The following ZNF713 variants were observed in gnomAD, a reference collection of about 807,000 sequenced individuals.
ZNF713 encodes zinc finger protein 713.
In ZNF713, 21 loss-of-function variants were observed where a neutral mutation model predicts 28.7. That is an observed-to-expected ratio of 0.73 (90% CI 0.52 to 1.05). The LOEUF is 1.05. ZNF713 is among the 50% of genes least tolerant of loss of function. The pLI is 0.00. For synonymous variants in ZNF713, 167 were observed against 178.0 expected (o/e 0.94, Z 0.49); for missense variants, 458 against 532.4 (o/e 0.86, Z 1.37).
intron 2 of ZNF713, among the ~76,000 whole-genome samples, chr7:55,910,009 G>A (rs1785756948): frequency 6.6e-6 from 1 of 151,624 alleles, no homozygotes; most frequent in African/African-American, 2.4e-5. Context: ...GTTTATGTGT[G>A]TGTGTGTGTG....
chr7:55,926,934 G>A (rs1786108060), intron 6 of ZNF713, among the ~76,000 whole-genome samples: 1 of 152,124 alleles, frequency 6.6e-6, no homozygotes, highest in South Asian at 2.1e-4. Flanking sequence ...TCAGGAGTTT[G>A]AGACCAGCCT....
At chr7:55,905,415 AACC>A (rs1785661181) in intron 1 of ZNF713, among the ~76,000 whole-genome samples, 1 of 152,148 alleles carries the variant, frequency 6.6e-6, no homozygotes, top group Non-Finnish European at 1.5e-5. Flanking sequence ...GCTCAGACAG[AACC>A]ACTACACAGG....
chr7:55,926,699 A>C (rs1232978102), intron 6 of ZNF713, among the ~76,000 whole-genome samples: 1 of 152,234 alleles, frequency 6.6e-6, no homozygotes, highest in Non-Finnish European at 1.5e-5. Context: ...AGCAGCAAGA[A>C]AATTGGCAAT....
At chr7:55,917,519 G>C (rs1785906848) in intron 4 of ZNF713, among the ~76,000 whole-genome samples, 1 of 152,074 alleles carries the variant, frequency 6.6e-6, no homozygotes, top group African/African-American at 2.4e-5. Context: ...GACCAACTTG[G>C]TGCAACTTCA....
At chr7:55,935,770 G>A (rs1260362607) in intron 6 of ZNF713, among the ~76,000 whole-genome samples, 3 of 151,966 alleles carry the variant, frequency 2.0e-5, no homozygotes, top group Non-Finnish European at 2.9e-5. Flanking sequence ...TGGCTAACAC[G>A]GTGAAACCCC....
chr7:55,938,010 C>T (rs759464017), intron 6 of ZNF713, among the ~76,000 whole-genome samples: 2 of 152,034 alleles, frequency 1.3e-5, no homozygotes, highest in Non-Finnish European at 1.5e-5. Context: ...TTGAGATCAG[C>T]CTGGCCAACA....
chr7:55,908,937 G>A (rs1014669144), intron 2 of ZNF713, among the ~76,000 whole-genome samples: 6 of 151,850 alleles, frequency 4.0e-5, no homozygotes, highest in African/African-American at 1.2e-4. Flanking sequence ...GGCCGGGTGC[G>A]GTGGCTCATG....
intron 6 of ZNF713, among the ~76,000 whole-genome samples, chr7:55,927,576 TGAAGG>T (rs1786123927): frequency 6.6e-6 from 1 of 151,620 alleles, no homozygotes; most frequent in African/African-American, 2.4e-5. Context: ...TTTATAATGC[TGAAGG>T]GAAGGAACCA....
At chr7:55,911,371 G>C (rs559011409) in intron 2 of ZNF713, among the ~76,000 whole-genome samples, 17 of 152,286 alleles carry the variant, frequency 1.1e-4, no homozygotes, top group African/African-American at 3.8e-4. Context: ...TGTGTTCTCT[G>C]TTCTGGAAAA....
At chr7:55,914,599 G>A (rs1400265209) in intron 4 of ZNF713, among the ~76,000 whole-genome samples, 1 of 152,236 alleles carries the variant, frequency 6.6e-6, no homozygotes, top group Non-Finnish European at 1.5e-5. Context: ...GGTGCTGGGA[G>A]AAGGGAGAAG....
At chr7:55,931,250 C>T (rs778950337) in intron 6 of ZNF713, among the ~76,000 whole-genome samples, 3 of 151,716 alleles carry the variant, frequency 2.0e-5, no homozygotes, top group Admixed American at 6.6e-5. Flanking sequence ...CACGTCATTG[C>T]TCTCCAGCCT....
intron 6 of ZNF713, among the ~76,000 whole-genome samples, chr7:55,933,903 G>A (rs1786292758): frequency 1.3e-5 from 2 of 151,554 alleles, no homozygotes; most frequent in Admixed American, 1.3e-4. Flanking sequence ...ACAGGGTTTT[G>A]CCATGTTGCC....
At position 55,892,555 on chromosome 7, in the gene ZNF713, C is replaced by CAAAAAA. The variant is rs56338467; in HGVS notation, c.-583+4893_-583+4898dup. Among the ~76,000 whole-genome samples the CAAAAAA allele has an allele frequency of 2.1e-3, 156 of 74,270 alleles. 3 individuals carry two copies. Among genetic ancestry groups the CAAAAAA allele is most frequent in the East Asian group, 6.2e-3 (13 of 2,110 alleles). The allele number at this position is 74,270 out of a possible 152,430, so 48.7% of individuals were successfully genotyped here. A position where few individuals can be genotyped will look rare whatever the true frequency, so the allele number is the denominator to read the frequency against. On this transcript the variant is annotated intron_variant, in intron 1 of 6. Transcript: ENST00000429591. ...TGAAGGTTTGCTGAAAAGCACTGAC[C>CAAAAAA]AAAAAAAAAAAAAAAAAAAAAAACA...
chr7:55,906,217 G>A (rs1028922607), intron 1 of ZNF713, 36 bp from the exon 2 acceptor site: 3 of 151,896 alleles, frequency 2.0e-5, no homozygotes, highest in East Asian at 1.9e-4. Context: ...TAAGCTCTCC[G>A]CTTAGATTAA....
At chr7:55,903,789 A>G (rs1785623762) in intron 1 of ZNF713, among the ~76,000 whole-genome samples, 1 of 151,940 alleles carries the variant, frequency 6.6e-6, no homozygotes, top group South Asian at 2.1e-4. Context: ...ATGGGGGTGG[A>G]TGGAGGGCAC....
chr7:55,919,490 G>GTATTTTTTTTTTTTT (rs1785945145), intron 4 of ZNF713, among the ~76,000 whole-genome samples: 1 of 66,770 alleles, frequency 1.5e-5, no homozygotes, highest in Non-Finnish European at 3.1e-5. Flanking sequence ...AAACACTCCA[G>GTATTTTTTTTTTTTT]TTTTTTTTTT....
At chr7:55,926,471 T>A (rs1786097722) in intron 6 of ZNF713, among the ~76,000 whole-genome samples, 1 of 152,138 alleles carries the variant, frequency 6.6e-6, no homozygotes, top group Non-Finnish European at 1.5e-5. Context: ...TTGCATTTCT[T>A]CAATATCCTG....
At chr7:55,936,437 G>T (rs1331232484) in intron 6 of ZNF713, among the ~76,000 whole-genome samples, 1 of 152,140 alleles carries the variant, frequency 6.6e-6, no homozygotes, top group East Asian at 1.9e-4. Context: ...TCCCATGACA[G>T]TTCCTGGCAG....
In ZNF713 at chr7:55,939,119, T is replaced by A; in HGVS notation, c.445T>A (p.Phe149Ile). Residue 149 changes from phenylalanine (F) to isoleucine (I), a missense_variant, in exon 7 of 7, where the codon TTT becomes ATT. Coordinates refer to ENST00000429591, the MANE Select transcript of ZNF713 (RefSeq NM_182633.3). ...CTCCATCCTAGGAGGACTCTGGGAT[T>A]TTGATTACCATCCAGAGTTTAACCA... ...WYSILGGLWD[F>I]DYHPEFNQEN... 6.2e-7 allele frequency: 1 copy of A among 1,614,128 alleles called. No individual in the cohort carries two copies. Among genetic ancestry groups the A allele is most frequent in the Non-Finnish European group, 8.5e-7 (1 of 1,180,014 alleles).
Sources: allele counts gnomAD v4.1 joint callset (sites outside exome capture counted in the v4.1 genomes callset), GRCh38; gene constraint gnomAD v4.1.1; transcripts MANE v1.5; gene names NCBI Gene and HGNC (gene_info 2026-07-23, HGNC 2026-07-21).